The following MICALL1 variants were observed in gnomAD, a reference collection of about 807,000 sequenced individuals.
MICALL1 encodes MICAL like 1.
MICALL1 carries 61 observed loss-of-function variants against 83.7 expected under a neutral mutation model. The ratio of observed to expected loss-of-function variants is 0.73; its 90% confidence interval spans 0.59 to 0.90. MICALL1 has a LOEUF of 0.90. Ranked by LOEUF, MICALL1 falls within the 40% of genes least tolerant of loss-of-function variation. MICALL1 has a pLI of 0.00. For missense variants in MICALL1, 1,066 were observed against 1,152.0 expected (o/e 0.93, Z 1.08); for synonymous variants, 481 against 473.6 (o/e 1.02, Z -0.20).
chr22:37,926,953 C>G (rs754619840), intron 8 of MICALL1: 1 of 173,532 alleles, frequency 5.8e-6, no homozygotes, highest in Non-Finnish European at 1.2e-5. Flanking sequence ...CTGGAAAATG[C>G]AGATAATGTG....
At chr22:37,940,221 C>T (rs1930360374) in intron 15 of MICALL1, among the ~76,000 whole-genome samples, 1 of 151,800 alleles carries the variant, frequency 6.6e-6, no homozygotes, top group Admixed American at 6.6e-5. Flanking sequence ...GTCAGGAGAT[C>T]GAGAGCATTC....
intron 13 of MICALL1, among the ~76,000 whole-genome samples, chr22:37,933,624 A>G (rs993209222): frequency 2.0e-5 from 3 of 152,142 alleles, no homozygotes; most frequent in African/African-American, 7.2e-5. Flanking sequence ...GATGGTTACC[A>G]TGTGGCCGAG....
chr22:37,929,803 C>T (rs1005133980), intron 9 of MICALL1, among the ~76,000 whole-genome samples: 1 of 152,228 alleles, frequency 6.6e-6, no homozygotes, highest in African/African-American at 2.4e-5. Context: ...TCCCAAGGCT[C>T]ATCTGGCCCC....
intron 1 of MICALL1, among the ~76,000 whole-genome samples, chr22:37,907,724 C>T (rs1205902953): frequency 6.6e-6 from 1 of 152,180 alleles, no homozygotes; most frequent in Non-Finnish European, 1.5e-5. Flanking sequence ...CTGTATGTAC[C>T]CTGCAGTACC....
rs1930406088 is a variant in MICALL1, at chr22:37,940,971, T to G, written c.*141T>G. On this transcript the variant is annotated 3_prime_UTR_variant, in exon 16 of 16. Coordinates refer to ENST00000215957, the MANE Select transcript of MICALL1 (RefSeq NM_033386.4). ...GAGGGATCCTCTGGGTGATGGCCTC[T>G]TCCTCCTCAGGGACCTCTGACTGCT... The G allele has an allele frequency of 9.4e-7, 1 of 1,061,978 alleles. No individual in the cohort carries two copies. The highest frequency in any genetic ancestry group is 1.3e-6 in the Non-Finnish European group (1 of 746,440). The allele number at this position is 1,061,978 out of a possible 1,614,324, so 65.8% of individuals were successfully genotyped here.
rs1372422880 is a variant in MICALL1, at chr22:37,930,393, C to G, written c.1882-1406C>G. On this transcript the variant is annotated intron_variant, in intron 9 of 15. Transcript: ENST00000215957. This position sits in a 1 kb window ranked among gnomAD's most constrained non-coding sequence, Gnocchi z 4.8. Reference sequence around the variant, plus strand: ...GTGGGAGCCAAGCCCTGGCTTCTTGCTGTGCCCAGACCTGGGCCCCAGCAC... The same window carrying G: ...GTGGGAGCCAAGCCCTGGCTTCTTGGTGTGCCCAGACCTGGGCCCCAGCAC... 6.6e-6 allele frequency among the ~76,000 whole-genome samples: 1 copy of G among 152,158 alleles called. No homozygotes were observed. Among genetic ancestry groups the G allele is most frequent in the Non-Finnish European group, 1.5e-5 (1 of 68,008 alleles).
At chr22:37,910,468 G>A (rs959410882) in intron 1 of MICALL1, among the ~76,000 whole-genome samples, 3 of 152,038 alleles carry the variant, frequency 2.0e-5, no homozygotes, top group Non-Finnish European at 4.4e-5. Flanking sequence ...GTCCTGAACC[G>A]GACCGGGAGA....
In MICALL1 at chr22:37,932,525, C is replaced by A. The variant is rs901204472; in HGVS notation, c.2017-28C>A. The A allele has an allele frequency of 6.2e-7, 1 of 1,611,652 alleles. No individual in the cohort carries two copies. Among genetic ancestry groups the A allele is most frequent in the Non-Finnish European group, 8.5e-7 (1 of 1,178,438 alleles). ...GGCTCCTGGCAGCAACCAGGCAGGC[C>A]GTCAGGTGACCAGGCACTGTTGGGC... On this transcript the variant is annotated intron_variant, in intron 10 of 15. Transcript: ENST00000215957. The surrounding 1 kb of genome is among the most constrained non-coding windows in gnomAD (Gnocchi z 4.4).
intron 3 of MICALL1, 129 bp downstream of exon 3, chr22:37,912,621 A>C: frequency 1.2e-6 from 1 of 804,908 alleles, no homozygotes; most frequent in Non-Finnish European, 1.8e-6. Flanking sequence ...TTACTTATTC[A>C]TTAATTCACT....
chr22:37,924,989 G>A lies in MICALL1; in HGVS notation c.1082+272G>A, dbSNP rs1421184906. On this transcript the variant is annotated intron_variant, in intron 7 of 15. Transcript: ENST00000215957. The surrounding 1 kb of genome is among the most constrained non-coding windows in gnomAD (Gnocchi z 5.2). The stretch of plus-strand genomic sequence containing the variant: ...ACCCGTTGCCTCTCCAGGCTCCTTT[G>A]CCCTGTAACATGGGAGGCCGAGGCT... 6.6e-6 allele frequency among the ~76,000 whole-genome samples: 1 copy of A among 152,312 alleles called. No individual in the cohort carries two copies. Among genetic ancestry groups the A allele is most frequent in the East Asian group, 1.9e-4 (1 of 5,180 alleles).
rs1569148131 is a variant in MICALL1 at position 37,932,842 on chromosome 22, C to T, written c.2188C>T (p.His730Tyr). The T allele has an allele frequency of 1.9e-6, 3 of 1,614,080 alleles. No homozygotes were observed. The Middle Eastern group carries it at 4.9e-4, about 266-fold the overall frequency. ...GCTGGTGGACTGGTTCAAGCTCATCCACGAGAAGCACCTACTGGTGCGGCG... is the reference window on the plus strand; with the variant it reads ...GCTGGTGGACTGGTTCAAGCTCATCTACGAGAAGCACCTACTGGTGCGGCG... ...DMLVDWFKLI[H>Y]EKHLLVRRES... The change falls in exon 12 of 16, where the codon CAC (histidine) becomes TAC (tyrosine). Residue 730 changes from histidine to tyrosine, a missense_variant. His to Tyr is a moderately conservative substitution (Grantham distance 83). Transcript: ENST00000215957. The surrounding 1 kb of genome is among the most constrained non-coding windows in gnomAD (Gnocchi z 4.4).
Position 37,927,228 on chromosome 22 carries a change from A to T in MICALL1, c.1466-183A>T, listed in dbSNP as rs1045732592. ...GGGCGGGTTGGACTCGGGTGGCTGGATGCACCTCATGACTTCCGTCCTGCC... is the reference window on the plus strand; with the variant it reads ...GGGCGGGTTGGACTCGGGTGGCTGGTTGCACCTCATGACTTCCGTCCTGCC... On this transcript the variant is annotated intron_variant, in intron 8 of 15. Transcript: ENST00000215957. 6 of 646,546 alleles carry T rather than the reference A, an allele frequency of 9.3e-6. 1 individual carries two copies. Among genetic ancestry groups the T allele is most frequent in the African/African-American group, 7.3e-5 (4 of 55,154 alleles). 40.1% of individuals were successfully genotyped at this position (646,546 alleles called of 1,614,324 possible). A position where few individuals can be genotyped will look rare whatever the true frequency, so the allele number is the denominator to read the frequency against.
At position 37,940,714 on chromosome 22, in the gene MICALL1, C is replaced by T; in HGVS notation, c.2476C>T (p.Gln826Ter). ...CTCCCCTCTCTGTGCTGCAGAGTTCCAGAGGGAGGCTGAACCTGAGGGCAA... is the reference window on the plus strand; with the variant it reads ...CTCCCCTCTCTGTGCTGCAGAGTTCTAGAGGGAGGCTGAACCTGAGGGCAA... ...LEAMIKKKEF[Q>*]REAEPEGKKK... is the part of the protein sequence containing the mutation. The change falls in exon 16 of 16, where the codon CAG becomes TAG. Residue 826 changes from glutamine (Q) to a stop codon, truncating the protein, a stop_gained. Transcript: ENST00000215957. LOFTEE classifies it high-confidence loss of function. 1 of 1,613,900 alleles carries T rather than the reference C, an allele frequency of 6.2e-7. No individual in the cohort carries two copies. Among genetic ancestry groups the T allele is most frequent in the Non-Finnish European group, 8.5e-7 (1 of 1,179,866 alleles).
chr22:37,936,991 C>G, intron 13 of MICALL1, 89 bp from the exon 14 acceptor site: 2 of 1,089,884 alleles, frequency 1.8e-6, no homozygotes, highest in Non-Finnish European at 2.7e-6. Flanking sequence ...TGGGGCTGGC[C>G]TGCCGCACTT....
At position 37,930,531 on chromosome 22, in the gene MICALL1, T is replaced by G. The variant is rs1409266415; in HGVS notation, c.1882-1268T>G. On this transcript the variant is annotated intron_variant, in intron 9 of 15. Transcript: ENST00000215957. This position sits in a 1 kb window ranked among gnomAD's most constrained non-coding sequence, Gnocchi z 4.8. Reference sequence around the variant, plus strand: ...GCCGAGGGAAAGCTGGGTCAGTGCTTCTTGGAGCATCCCAGGTCTCAGGTG... The same window carrying G: ...GCCGAGGGAAAGCTGGGTCAGTGCTGCTTGGAGCATCCCAGGTCTCAGGTG... 6.6e-6 allele frequency among the ~76,000 whole-genome samples: 1 copy of G among 152,208 alleles called. No individual in the cohort carries two copies. Among genetic ancestry groups the G allele is most frequent in the Non-Finnish European group, 1.5e-5 (1 of 68,026 alleles).
intron 14 of MICALL1, 62 bp downstream of exon 14, chr22:37,937,256 T>C: frequency 8.3e-7 from 1 of 1,211,198 alleles, no homozygotes; most frequent in Non-Finnish European, 1.2e-6. Context: ...GCTCTGGGCC[T>C]CATGGGTGGG....
rs1187623570 is a variant in MICALL1 at position 37,922,272 on chromosome 22, A to G, written c.870A>G (p.Leu290=). 1 of 1,578,322 alleles carries G rather than the reference A, an allele frequency of 6.3e-7. No homozygotes were observed. The highest frequency in any genetic ancestry group is 8.6e-7 in the Non-Finnish European group (1 of 1,162,644). ...CCAAGCCCCGGGTTCCTGGCAAACT[A>G]CAGGAGCTGGCCAGCCCCCCTGCGG... ...IPTKPRVPGK[L]QELASPPAGR... is the part of the protein sequence containing the mutation. The change falls in exon 6 of 16, where the codon CTA becomes CTG. Residue 290 remains leucine (L), a synonymous_variant. Coordinates refer to ENST00000215957, the MANE Select transcript of MICALL1 (RefSeq NM_033386.4).
chr22:37,931,336 G>A (rs1929772844), intron 9 of MICALL1, among the ~76,000 whole-genome samples: 1 of 151,942 alleles, frequency 6.6e-6, no homozygotes, highest in South Asian at 2.1e-4. Flanking sequence ...GAGCCCAGGA[G>A]TTTGGGACCA....
intron 7 of MICALL1, among the ~76,000 whole-genome samples, chr22:37,925,031 T>C (rs374250968): frequency 4.3e-4 from 65 of 152,224 alleles, no homozygotes; most frequent in African/African-American, 1.5e-3. Context: ...TAGAGTTGAT[T>C]TGAGGCTTAG....
Sources: gnomAD v4.1 joint callset for allele counts (sites outside exome capture counted in the v4.1 genomes callset) on GRCh38, gnomAD v4.1.1 for gene constraint, Gnocchi (gnomAD v3.1) non-coding constraint, MANE v1.5 for transcripts, NCBI Gene and HGNC (gene_info 2026-07-23, HGNC 2026-07-21) for gene names.